Variants in PCDHGA7 observed in about 807,000 individuals in gnomAD.
PCDHGA7 encodes the protein protocadherin gamma-A7.
PCDHGA7 carries 44 observed loss-of-function variants against 58.3 expected under a neutral mutation model. The ratio of observed to expected loss-of-function variants is 0.75; its 90% CI spans 0.59 to 0.97. The LOEUF is 0.97. Among genes scored for constraint, PCDHGA7 ranks in the 50% least tolerant of loss-of-function variants. The probability of loss-of-function intolerance (pLI) is 0.00; values close to 1 mark genes in which losing one functional copy is unlikely to be tolerated. For missense variants in PCDHGA7, 1,266 were observed against 1,188.7 expected (o/e 1.06, Z -0.96); for synonymous variants, 516 against 504.2 (o/e 1.02, Z -0.31).
intron 3 of PCDHGA7, among the ~76,000 whole-genome samples, chr5:141,506,444 CA>C (rs1219684339): frequency 0.54 from 51,660 of 95,006 alleles, 10,715 homozygotes; most frequent in African/African-American, 0.61. Context: ...CGCTCTGTCT[CA>C]AAAAAAAAAA....
chr5:141,502,062 A>G (rs530211521), intron 2 of PCDHGA7, among the ~76,000 whole-genome samples: 2 of 152,146 alleles, frequency 1.3e-5, no homozygotes, highest in South Asian at 4.2e-4. Flanking sequence ...TATTCCCATT[A>G]GCCCCCTTCA....
chr5:141,398,732 G>A (rs747131946), intron 1 of PCDHGA7: 4 of 1,613,778 alleles, frequency 2.5e-6, no homozygotes, highest in Admixed American at 1.7e-5. Flanking sequence ...ACCTTAGACC[G>A]GGAACAACAG....
rs575694126 is a variant in PCDHGA7 at position 141,399,993 on chromosome 5, G to A, written c.2424+14670G>A. 3.1e-5 allele frequency: 50 copies of A among 1,612,336 alleles called. 1 individual carries two copies. Among genetic ancestry groups the A allele is most frequent in the Middle Eastern group, 1.8e-4 (1 of 5,462 alleles). On this transcript the variant is annotated intron_variant, in intron 1 of 3. Transcript: ENST00000518325. ...GCCTGGGGCTGCGCACAGGAGAGGT[G>A]CGCACAGCGCGTGCCTTGGGCGACA...
chr5:141,382,961 G>A lies in PCDHGA7; in HGVS notation c.62G>A (p.Gly21Glu), dbSNP rs749724133. 8.7e-6 allele frequency: 14 copies of A among 1,607,564 alleles called. No homozygotes were observed. The highest frequency in any genetic ancestry group is 1.2e-5 in the Non-Finnish European group (14 of 1,175,700). The change falls in exon 1 of 4, where the codon GGG (glycine) becomes GAG (glutamate). Residue 21 changes from glycine (G) to glutamate (E), a missense_variant. Gly to Glu is a moderately conservative substitution (Grantham distance 98). Coordinates refer to ENST00000518325, the MANE Select transcript of PCDHGA7 (RefSeq NM_018920.4). ...TTCTTCCTGCTCTCCATCCTCCTGG[G>A]GACCCCCTGGGAAGCCTGGGCAGGA... ...RGFFLLSILL[G>E]TPWEAWAGRI...
intron 1 of PCDHGA7, chr5:141,418,597 G>A (rs2096274061): frequency 3.7e-6 from 6 of 1,614,052 alleles, no homozygotes; most frequent in Non-Finnish European, 5.1e-6. Flanking sequence ...GCCAGGACGT[G>A]TACAGGGTTA....
In PCDHGA7 at chr5:141,491,633, C is replaced by T; in HGVS notation, c.2425-3174C>T. Reference sequence around the variant, plus strand: ...CTAAGACCCCTCAGCGTTCAGCAGCCCACAGCTCTGGCGCTGGAGCCTGAC... The same window carrying T: ...CTAAGACCCCTCAGCGTTCAGCAGCTCACAGCTCTGGCGCTGGAGCCTGAC... On this transcript the variant is annotated intron_variant, in intron 1 of 3. Transcript: ENST00000518325. This position sits in a 1 kb window ranked among gnomAD's most constrained non-coding sequence, Gnocchi z 6.9. 2 of 1,613,916 alleles carry T rather than the reference C, an allele frequency of 1.2e-6. No homozygotes were observed.
intron 1 of PCDHGA7, among the ~76,000 whole-genome samples, chr5:141,401,205 G>C (rs1479820661): frequency 6.6e-6 from 1 of 152,118 alleles, no homozygotes; most frequent in African/African-American, 2.4e-5. Context: ...AGCTGGGTGT[G>C]GTGGCGGGCG....
chr5:141,393,642 G>C, intron 1 of PCDHGA7: 1 of 1,613,940 alleles, frequency 6.2e-7, no homozygotes, highest in Non-Finnish European at 8.5e-7. Context: ...CAACGGAAAA[G>C]TGGCATACAA....
At chr5:141,399,609 T>C in intron 1 of PCDHGA7, 2 of 1,613,918 alleles carry the variant, frequency 1.2e-6, no homozygotes, top group Non-Finnish European at 1.7e-6. Flanking sequence ...ACCTAGAGCC[T>C]CTGGCACTGG....
intron 1 of PCDHGA7, chr5:141,428,374 C>G: frequency 1.9e-6 from 1 of 530,640 alleles, no homozygotes; most frequent in South Asian, 1.9e-5. Context: ...CTTGCACCTG[C>G]GATGCTCTTC....
At chr5:141,478,821 A>G (rs72790063) in intron 1 of PCDHGA7, 38,524 of 1,444,166 alleles carry the variant, frequency 0.027, 650 homozygotes, top group East Asian at 0.045. Flanking sequence ...CAACTAACCA[A>G]TCTTGCTAAG....
Position 141,493,836 on chromosome 5 carries a change from A to G in PCDHGA7, c.2425-971A>G, listed in dbSNP as rs1411929024. Among the ~76,000 whole-genome samples the G allele has an allele frequency of 6.6e-6, 1 of 152,194 alleles. No individual in the cohort carries two copies. Among genetic ancestry groups the G allele is most frequent in the Non-Finnish European group, 1.5e-5 (1 of 68,038 alleles). On this transcript the variant is annotated intron_variant, in intron 1 of 3. Transcript: ENST00000518325. This position sits in a 1 kb window ranked among gnomAD's most constrained non-coding sequence, Gnocchi z 4.3. ...ACACTCTCTGCTTCTGGGAGCAAGT[A>G]TGAGTATTAATTACCAGCCCACCCC...
At chr5:141,495,020 C>G in intron 2 of PCDHGA7, 155 bp downstream of exon 2, 1 of 976,790 alleles carries the variant, frequency 1.0e-6, no homozygotes, top group Non-Finnish European at 1.2e-6. Context: ...GGCTGGCACA[C>G]AGACCCCGGA....
chr5:141,470,836 C>T lies in PCDHGA7; in HGVS notation c.2425-23971C>T, dbSNP rs577375498. On this transcript the variant is annotated intron_variant, in intron 1 of 3. Transcript: ENST00000518325. ...CTGAGTAGTTAGGACGACAAACACA[C>T]GCCACCATGCTCAGATAAGTTTTTT... 2.6e-5 allele frequency among the ~76,000 whole-genome samples: 4 copies of T among 152,176 alleles called. No homozygotes were observed. The East Asian group carries it at 5.8e-4, about 22-fold the overall frequency.
intron 1 of PCDHGA7, among the ~76,000 whole-genome samples, chr5:141,406,166 G>A (rs778809031): frequency 1.6e-4 from 24 of 151,400 alleles, no homozygotes; most frequent in Non-Finnish European, 3.2e-4. Context: ...TCAATCTCCT[G>A]GGCTTATGCA....
Position 141,397,017 on chromosome 5 carries a change from G to T in PCDHGA7, c.2424+11694G>T, listed in dbSNP as rs149652099. On this transcript the variant is annotated intron_variant, in intron 1 of 3. Transcript: ENST00000518325. ...TAATCTGACAAATGGACTAAAGAAG[G>T]TTGACCAATGTCCACAAATTTATGT... Among the ~76,000 whole-genome samples, 399 of 152,296 alleles carry T rather than the reference G, an allele frequency of 2.6e-3. 1 individual carries two copies. Among genetic ancestry groups the T allele is most frequent in the Non-Finnish European group, 4.1e-3 (279 of 68,028 alleles).
chr5:141,501,288 T>TACAC (rs1562199973), intron 2 of PCDHGA7, among the ~76,000 whole-genome samples: 2 of 81,228 alleles, frequency 2.5e-5, no homozygotes, highest in Admixed American at 1.6e-4. Flanking sequence ...GATATTCCCT[T>TACAC]ATACACACAC....
rs749995138 is a variant in PCDHGA7 at position 141,408,745 on chromosome 5, G to A, written c.2424+23422G>A. The A allele has an allele frequency of 3.7e-6, 6 of 1,609,862 alleles. No homozygotes were observed. In the African/African-American group the frequency reaches 4.0e-5, roughly 11 times the overall value. ...ACTCTAATCCTTATTTTTCATTAAT[G>A]GTTAGAGTTAATTCCGATGGTGGCA... On this transcript the variant is annotated intron_variant, in intron 1 of 3. Transcript: ENST00000518325.
Position 141,383,774 on chromosome 5 carries a change from TTCA to T in PCDHGA7, c.878_880del (p.His293del). 1 of 1,613,980 alleles carries T rather than the reference TTCA, an allele frequency of 6.2e-7. No homozygotes were observed. Among genetic ancestry groups the T allele is most frequent in the South Asian group, 1.1e-5 (1 of 91,088 alleles). Reference sequence around the variant, plus strand: ...ATAACTCCTAAACTTCCAAAGATGTTTCATCTGAACTCGCTTACAGGAGAAATA... The same window carrying T: ...ATAACTCCTAAACTTCCAAAGATGTTTCTGAACTCGCTTACAGGAGAAATA... On this transcript the variant is annotated inframe_deletion, in exon 1 of 4. Transcript: ENST00000518325.
Sources: gnomAD v4.1 joint callset for allele counts (sites outside exome capture counted in the v4.1 genomes callset) on GRCh38, gnomAD v4.1.1 for gene constraint, Gnocchi (gnomAD v3.1) non-coding constraint, MANE v1.5 for transcripts, NCBI Gene and HGNC (gene_info 2026-07-23, HGNC 2026-07-21) for gene names.